The following PIWIL2 variants were observed in gnomAD, a reference collection of about 807,000 sequenced individuals.
PIWIL2 encodes the protein piwi like RNA-mediated gene silencing 2, also known as piwi-like protein 2.
PIWIL2 carries 81 observed loss-of-function variants against 116.5 expected under a neutral mutation model. That is an observed-to-expected ratio of 0.70 (90% CI 0.58 to 0.84). PIWIL2 has a LOEUF of 0.84. Among genes scored for constraint, PIWIL2 ranks in the 40% least tolerant of loss-of-function variants. The pLI, the probability that PIWIL2 is intolerant of heterozygous loss-of-function variation, is 0.00. For missense variants in PIWIL2, 1,272 were observed against 1,212.3 expected, an observed-to-expected ratio of 1.05 and a Z score of -0.73; for synonymous variants, 489 against 429.5, an observed-to-expected ratio of 1.14 and a Z score of -1.71.
chr8:22,304,271 A>G, intron 11 of PIWIL2, 62 bp downstream of exon 11: 3 of 1,074,088 alleles, frequency 2.8e-6, no homozygotes, highest in South Asian at 2.8e-5. Flanking sequence ...CACGTTCTCC[A>G]GCAGATATTG....
chr8:22,331,598 A>T (rs1831863399), intron 20 of PIWIL2, among the ~76,000 whole-genome samples: 1 of 152,210 alleles, frequency 6.6e-6, no homozygotes, highest in Non-Finnish European at 1.5e-5. Flanking sequence ...AATGAAAACT[A>T]CAGTAACTGA....
At chr8:22,335,396 CTG>C (rs1214648780) in intron 20 of PIWIL2, among the ~76,000 whole-genome samples, 3 of 134,044 alleles carry the variant, frequency 2.2e-5, no homozygotes, top group African/African-American at 8.5e-5. Context: ...GACAGGATCT[CTG>C]TTGCTCATGC....
rs140946263 is a variant in PIWIL2, at chr8:22,317,106, G to A, written c.2297+773G>A. 6.7e-3 allele frequency among the ~76,000 whole-genome samples: 1,025 copies of A among 152,296 alleles called. 6 individuals carry two copies. The highest frequency in any genetic ancestry group is 9.7e-3 in the Non-Finnish European group (662 of 68,030). The stretch of plus-strand genomic sequence containing the variant: ...GCAGCTTATTTAACAAACTTGGCAC[G>A]GGTGTGAATGTGCTTCCCAGCTGAA... On this transcript the variant is annotated intron_variant, in intron 19 of 22. Coordinates refer to ENST00000356766, the MANE Select transcript of PIWIL2 (RefSeq NM_018068.5).
At chr8:22,330,291 C>G (rs1176440665) in intron 20 of PIWIL2, among the ~76,000 whole-genome samples, 3 of 152,024 alleles carry the variant, frequency 2.0e-5, no homozygotes, top group Non-Finnish European at 4.4e-5. Context: ...CTATTTGGTT[C>G]TTTCTTGTAA....
At chr8:22,290,419 C>T (rs541997029) in intron 10 of PIWIL2, 73 bp downstream of exon 10, 2 of 797,192 alleles carry the variant, frequency 2.5e-6, no homozygotes, top group African/African-American at 3.4e-5. Flanking sequence ...CTGGTAATAA[C>T]ACACATTAGA....
At position 22,283,176 on chromosome 8, in the gene PIWIL2, C is replaced by T. The variant is rs1348694229; in HGVS notation, c.568C>T (p.Leu190=). Residue 190 remains leucine (L), a synonymous_variant, in exon 5 of 23, where the codon CTG becomes TTG. Coordinates refer to ENST00000356766, the MANE Select transcript of PIWIL2 (RefSeq NM_018068.5). ...CCCGCAGCTGTCATCACCACCAGCT[C>T]TGCCCCAGTCTCCCCTGCACTCTCC... is the stretch of plus-strand genomic sequence containing the variant. ...GPPQLSSPPA[L]PQSPLHSPDR... is the part of the protein sequence containing the mutation. 1 of 1,614,078 alleles carries T rather than the reference C, an allele frequency of 6.2e-7. No homozygotes were observed. The highest frequency in any genetic ancestry group is 8.5e-7 in the Non-Finnish European group (1 of 1,180,034).
chr8:22,328,818 GTTTTTTTTTT>G (rs57027657), intron 20 of PIWIL2, among the ~76,000 whole-genome samples: 1 of 107,162 alleles, frequency 9.3e-6, no homozygotes, highest in Admixed American at 1.1e-4. Context: ...AGCTCTAGTC[GTTTTTTTTTT>G]TTTTTTTTTA....
Position 22,288,650 on chromosome 8 carries a change from A to G in PIWIL2, c.970A>G (p.Asn324Asp), listed in dbSNP as rs1586540567. The change falls in exon 8 of 23, where the codon AAT becomes GAT. Residue 324 changes from asparagine to aspartate, a missense_variant. Transcript: ENST00000356766. ...PCSDLCIPFY[N>D]VVFRRVMKLL... ...CTCTGACCTGTGCATTCCCTTCTAC[A>G]ATGTTGTTTTCCGTCGGTAAGAAAA... 6.2e-7 allele frequency: 1 copy of G among 1,609,442 alleles called. No homozygotes were observed. The highest frequency in any genetic ancestry group is 1.3e-5 in the African/African-American group (1 of 74,824).
chr8:22,311,512 A>C (rs1362345022), intron 16 of PIWIL2, among the ~76,000 whole-genome samples: 7 of 152,242 alleles, frequency 4.6e-5, no homozygotes, highest in Non-Finnish European at 8.8e-5. Context: ...CACTTACTCT[A>C]GTCTTCTTTT....
chr8:22,278,668 G>T (rs1423260811), intron 1 of PIWIL2, among the ~76,000 whole-genome samples: 2 of 152,212 alleles, frequency 1.3e-5, no homozygotes, highest in African/African-American at 4.8e-5. Flanking sequence ...TGGTTGGGGG[G>T]CCTGTTAGGA....
At chr8:22,344,062 T>G (rs1053972018) in intron 20 of PIWIL2, among the ~76,000 whole-genome samples, 4 of 152,198 alleles carry the variant, frequency 2.6e-5, no homozygotes, top group African/African-American at 9.6e-5. Flanking sequence ...AATAAGCCAT[T>G]AAGCCATGAA....
In PIWIL2 at chr8:22,354,421, T is replaced by C. The variant is rs898772589; in HGVS notation, c.2765+43T>C. On this transcript the variant is annotated intron_variant, in intron 22 of 22. Coordinates refer to ENST00000356766, the MANE Select transcript of PIWIL2 (RefSeq NM_018068.5). ...TTACTCTTTCTCTTTCTTAAATAATTCTGGCCTGCTAGCTAAGATGGGCTC... is the reference window on the plus strand; with the variant it reads ...TTACTCTTTCTCTTTCTTAAATAATCCTGGCCTGCTAGCTAAGATGGGCTC... 3.9e-6 allele frequency: 5 copies of C among 1,279,582 alleles called. No homozygotes were observed. In the South Asian group the frequency reaches 5.9e-5, roughly 15 times the overall value. 79.3% of individuals were successfully genotyped at this position (1,279,582 alleles called of 1,614,324 possible).
Position 22,353,054 on chromosome 8 carries a change from A to G in PIWIL2, c.2499A>G (p.Leu833=), listed in dbSNP as rs760659823. 50 of 1,614,014 alleles carry G rather than the reference A, an allele frequency of 3.1e-5. No individual in the cohort carries two copies. Among genetic ancestry groups the G allele is most frequent in the Non-Finnish European group, 4.0e-5 (47 of 1,179,998 alleles). Residue 833 remains leucine, a synonymous_variant, in exon 21 of 23, where the codon CTA becomes CTG. Coordinates refer to ENST00000356766, the MANE Select transcript of PIWIL2 (RefSeq NM_018068.5). ...TTGCCAACTATGAGATTCCTCAACTACAGAAGTGTTTTGAAGCTTTTGAGA... is the reference window on the plus strand; with the variant it reads ...TTGCCAACTATGAGATTCCTCAACTGCAGAAGTGTTTTGAAGCTTTTGAGA... ...KTVANYEIPQ[L]QKCFEAFENY...
At chr8:22,293,043 A>C in intron 10 of PIWIL2, among the ~76,000 whole-genome samples, 2 of 152,352 alleles carry the variant, frequency 1.3e-5, no homozygotes, top group South Asian at 4.1e-4. Context: ...ATAAAAGTAT[A>C]TGTCTTCAAA....
chr8:22,317,466 G>A (rs1831488225), intron 19 of PIWIL2, among the ~76,000 whole-genome samples: 1 of 151,998 alleles, frequency 6.6e-6, no homozygotes, highest in Non-Finnish European at 1.5e-5. Context: ...TTAATATGCA[G>A]TTAAACTGTA....
chr8:22,301,070 C>T (rs1029286045), intron 10 of PIWIL2, among the ~76,000 whole-genome samples: 35 of 151,958 alleles, frequency 2.3e-4, no homozygotes, highest in African/African-American at 8.5e-4. Context: ...GCCTTGGCCT[C>T]CAGGACTCAA....
intron 20 of PIWIL2, among the ~76,000 whole-genome samples, chr8:22,350,445 A>T (rs920194617): frequency 1.3e-5 from 2 of 151,986 alleles, no homozygotes; most frequent in African/African-American, 2.4e-5. Flanking sequence ...AAAATACAAA[A>T]GTTAGCTAGG....
In PIWIL2 at chr8:22,287,619, C is replaced by A; in HGVS notation, c.835C>A (p.Leu279Ile). ...GNVTAFDGSILYLPVKLQQVL... is the reference protein window; with the variant it reads ...GNVTAFDGSIIYLPVKLQQVL... ...CGTCACTGCGTTTGATGGATCTATT[C>A]TCTATCTGCCTGTTAAGCTTCAACA... Residue 279 changes from leucine to isoleucine, a missense_variant, in exon 7 of 23, where the codon CTC becomes ATC. Physicochemically the swap from Leu to Ile is conservative, Grantham distance 5 (BLOSUM62 2). Coordinates refer to ENST00000356766, the MANE Select transcript of PIWIL2 (RefSeq NM_018068.5). 1 of 1,607,908 alleles carries A rather than the reference C, an allele frequency of 6.2e-7. No homozygotes were observed. The highest frequency in any genetic ancestry group is 8.5e-7 in the Non-Finnish European group (1 of 1,174,280).
At chr8:22,314,172 C>T (rs555934879) in intron 16 of PIWIL2, among the ~76,000 whole-genome samples, 156 bp from the exon 17 acceptor site, 3 of 152,256 alleles carry the variant, frequency 2.0e-5, no homozygotes, top group East Asian at 3.9e-4. Context: ...CTCCAAGGAC[C>T]TTGTTCTGGT....
Sources: gnomAD v4.1 joint callset for allele counts (sites outside exome capture counted in the v4.1 genomes callset) on GRCh38, gnomAD v4.1.1 for gene constraint, MANE v1.5 for transcripts, NCBI Gene and HGNC (gene_info 2026-07-23, HGNC 2026-07-21) for gene names.